Variants in CSMD1 observed in about 807,000 individuals in gnomAD.
CSMD1 encodes CUB and Sushi multiple domains 1, also known as CUB and sushi domain-containing protein 1.
In CSMD1, 213 loss-of-function variants were observed where a neutral mutation model predicts 417.5. That is an observed-to-expected ratio of 0.51 (90% confidence interval 0.46 to 0.57). The LOEUF (loss-of-function observed/expected upper bound fraction) is 0.57, where lower values mean the gene tolerates loss of function less well. Among genes scored for constraint, CSMD1 ranks in the 20% least tolerant of loss-of-function variants. The pLI, the probability that CSMD1 is intolerant of heterozygous loss-of-function variation, is 0.00. For missense variants in CSMD1, 6,923 were observed against 4,529.7 expected, an observed-to-expected ratio of 1.53 and a Z score of -15.17; for synonymous variants, 2,862 against 1,736.8, an observed-to-expected ratio of 1.65 and a Z score of -16.11.
intron 1 of CSMD1, among the ~76,000 whole-genome samples, chr8:4,898,003 C>G (rs898725461): frequency 6.6e-6 from 1 of 151,876 alleles, no homozygotes; most frequent in Non-Finnish European, 1.5e-5. Flanking sequence ...TAGCTCTGTA[C>G]TGGAAAAACA....
Position 3,580,660 on chromosome 8 carries a change from A to C in CSMD1, c.1222+5476T>G, listed in dbSNP as rs532311420. 5.7e-3 allele frequency among the ~76,000 whole-genome samples: 862 copies of C among 152,324 alleles called. 11 individuals are homozygous for C. Among genetic ancestry groups the C allele is most frequent in the African/African-American group, 0.019 (808 of 41,578 alleles). On this transcript the variant is annotated intron_variant, in intron 9 of 69. Transcript: ENST00000635120. The stretch of plus-strand genomic sequence containing the variant: ...AAAGCTTCAGGAGTCAGGAAACAGC[A>C]GCAGAAATTTCTCCAAATTCACAGG...
intron 26 of CSMD1, among the ~76,000 whole-genome samples, chr8:3,269,078 AATCCT>A (rs1801646954): frequency 6.6e-6 from 1 of 152,198 alleles, no homozygotes; most frequent in Admixed American, 6.5e-5. Flanking sequence ...TCAGAGCTAA[AATCCT>A]GTCATCCCCC....
chr8:3,287,821 C>G (rs960874893), intron 25 of CSMD1, among the ~76,000 whole-genome samples: 18 of 151,326 alleles, frequency 1.2e-4, no homozygotes, highest in Admixed American at 5.3e-4. Flanking sequence ...TTGCCCTGGC[C>G]AGAACTTCCA....
intron 3 of CSMD1, among the ~76,000 whole-genome samples, chr8:4,163,031 A>G (rs1233947890): frequency 6.6e-6 from 1 of 152,122 alleles, no homozygotes; most frequent in Non-Finnish European, 1.5e-5. Flanking sequence ...AGTAACGTGC[A>G]CTTCAGTTCA....
chr8:4,469,793 T>C (rs573403211), intron 2 of CSMD1, among the ~76,000 whole-genome samples: 1 of 152,094 alleles, frequency 6.6e-6, no homozygotes, highest in South Asian at 2.1e-4. Context: ...CTCCTCTGCT[T>C]ACAGCCTTCT....
Position 3,162,085 on chromosome 8 carries a change from G to C in CSMD1, c.5844+74C>G, listed in dbSNP as rs755435574. The C allele has an allele frequency of 3.7e-5, 34 of 917,672 alleles. 1 individual carries two copies. Among genetic ancestry groups the C allele is most frequent in the Non-Finnish European group, 6.0e-5 (34 of 571,362 alleles). The allele number at this position is 917,672 out of a possible 1,614,324, so 56.8% of individuals were successfully genotyped here. On this transcript the variant is annotated intron_variant, in intron 38 of 69. Coordinates refer to ENST00000635120, the MANE Select transcript of CSMD1 (RefSeq NM_033225.6). Reference sequence around the variant, plus strand: ...TGAGGAAAACATGGGTACAAAGTGAGGGCTTTGGCTTTAAGAGAGCTGCAC... The same window carrying C: ...TGAGGAAAACATGGGTACAAAGTGACGGCTTTGGCTTTAAGAGAGCTGCAC...
At chr8:4,138,705 C>T (rs980912866) in intron 3 of CSMD1, among the ~76,000 whole-genome samples, 1 of 152,028 alleles carries the variant, frequency 6.6e-6, no homozygotes, top group African/African-American at 2.4e-5. Flanking sequence ...TTCAATATTT[C>T]TTCATTTTTT....
In CSMD1 at chr8:4,806,614, C is replaced by T. The variant is rs74780110; in HGVS notation, c.86-169056G>A. Among the ~76,000 whole-genome samples, 854 of 152,312 alleles carry T rather than the reference C, an allele frequency of 5.6e-3. 12 individuals carry two copies. Among genetic ancestry groups the T allele is most frequent in the African/African-American group, 0.019 (779 of 41,570 alleles). Reference sequence around the variant, plus strand: ...AAAAAGGTAATTAACTTTCTCTTCTCATCCAGAAACAGTAATTAAAATCAT... The same window carrying T: ...AAAAAGGTAATTAACTTTCTCTTCTTATCCAGAAACAGTAATTAAAATCAT... On this transcript the variant is annotated intron_variant, in intron 1 of 69. Coordinates refer to ENST00000635120, the MANE Select transcript of CSMD1 (RefSeq NM_033225.6).
intron 3 of CSMD1, among the ~76,000 whole-genome samples, chr8:4,310,464 T>C (rs1585206259): frequency 6.6e-6 from 1 of 152,216 alleles, no homozygotes; most frequent in African/African-American, 2.4e-5. Context: ...ATGAACAGCA[T>C]GCGTTATCTT....
intron 1 of CSMD1, among the ~76,000 whole-genome samples, chr8:4,765,442 C>A (rs10866977): frequency 0.39 from 59,418 of 152,034 alleles, 12,444 homozygotes; most frequent in Admixed American, 0.56. Flanking sequence ...TGTTTCAAAG[C>A]GTAATTCAAT....
At chr8:3,288,591 G>T (rs1489375759) in intron 25 of CSMD1, among the ~76,000 whole-genome samples, 1 of 147,282 alleles carries the variant, frequency 6.8e-6, no homozygotes, top group Non-Finnish European at 1.5e-5. Flanking sequence ...TTGCATAGAG[G>T]TGTTTATAGT....
intron 7 of CSMD1, among the ~76,000 whole-genome samples, chr8:3,708,198 G>A (rs1034948379): frequency 5.3e-5 from 8 of 152,176 alleles, no homozygotes; most frequent in African/African-American, 1.2e-4. Flanking sequence ...CAGGGCAGAC[G>A]TGACACATGG....
chr8:3,525,768 C>T (rs1797728552), intron 10 of CSMD1, among the ~76,000 whole-genome samples: 1 of 152,140 alleles, frequency 6.6e-6, no homozygotes, highest in Non-Finnish European at 1.5e-5. Flanking sequence ...GGGAACATCA[C>T]GTTGTAAGAA....
chr8:4,303,334 CA>C (rs1442701967), intron 3 of CSMD1, among the ~76,000 whole-genome samples: 2 of 150,950 alleles, frequency 1.3e-5, no homozygotes, highest in African/African-American at 4.9e-5. Flanking sequence ...TTAAAGGAAG[CA>C]AAAATTAGCA....
intron 3 of CSMD1, among the ~76,000 whole-genome samples, chr8:4,054,278 T>G (rs949565401): frequency 1.9e-5 from 1 of 52,486 alleles, no homozygotes; most frequent in Non-Finnish European, 3.9e-5. Context: ...GACGGGGAAG[T>G]GAAGATGTGG....
At chr8:4,528,936 T>C (rs1418623766) in intron 2 of CSMD1, among the ~76,000 whole-genome samples, 2 of 152,206 alleles carry the variant, frequency 1.3e-5, no homozygotes, top group Admixed American at 6.5e-5. Context: ...TCATCTAAAA[T>C]ACCCCAGGGA....
chr8:3,762,744 C>G (rs576576359), intron 5 of CSMD1, among the ~76,000 whole-genome samples: 1 of 152,092 alleles, frequency 6.6e-6, no homozygotes, highest in Non-Finnish European at 1.5e-5. Flanking sequence ...GGCCACAGCT[C>G]GGCTTGGTTT....
chr8:3,837,060 AT>A (rs1382694202), intron 5 of CSMD1, among the ~76,000 whole-genome samples: 1 of 151,864 alleles, frequency 6.6e-6, no homozygotes, highest in Non-Finnish European at 1.5e-5. Flanking sequence ...CCCATGGGTG[AT>A]TTTCAACATG....
Position 4,757,052 on chromosome 8 carries a change from T to A in CSMD1, c.86-119494A>T, listed in dbSNP as rs191171079. Among the ~76,000 whole-genome samples the A allele has an allele frequency of 3.0e-3, 452 of 152,302 alleles. 4 individuals carry two copies. Among genetic ancestry groups the A allele is most frequent in the African/African-American group, 0.01 (416 of 41,568 alleles). Reference sequence around the variant, plus strand: ...TACAATATGCAGGAATGCATTGTGTTTAAGAAACTGAAACAGAAATGGCAA... The same window carrying A: ...TACAATATGCAGGAATGCATTGTGTATAAGAAACTGAAACAGAAATGGCAA... On this transcript the variant is annotated intron_variant, in intron 1 of 69. Coordinates refer to ENST00000635120, the MANE Select transcript of CSMD1 (RefSeq NM_033225.6).
Sources: gnomAD v4.1 joint callset for allele counts (sites outside exome capture counted in the v4.1 genomes callset) on GRCh38, gnomAD v4.1.1 for gene constraint, MANE v1.5 for transcripts, NCBI Gene and HGNC (gene_info 2026-07-23, HGNC 2026-07-21) for gene names.